FMNL2: variants seen among roughly 807,000 people sequenced by gnomAD.
FMNL2 encodes formin like 2, also known as formin-like protein 2.
Under a neutral mutation model 130.2 loss-of-function variants are expected in FMNL2, and 51 were observed. That is an observed-to-expected ratio of 0.39 (90% CI 0.31 to 0.49). The LOEUF (loss-of-function observed/expected upper bound fraction) is 0.49. Ranked by LOEUF, FMNL2 falls within the 20% of genes least tolerant of loss-of-function variation. The pLI is 0.85. For synonymous variants in FMNL2, 465 were observed against 467.1 expected, an observed-to-expected ratio of 1.00 and a Z score of 0.06; for missense variants, 977 against 1,316.2, an observed-to-expected ratio of 0.74 and a Z score of 3.99.
chr2:152,396,014 TG>T (rs1314675347), intron 1 of FMNL2, among the ~76,000 whole-genome samples: 4 of 152,214 alleles, frequency 2.6e-5, no homozygotes, highest in African/African-American at 9.6e-5. Context: ...CTTGCTTAAG[TG>T]TATTTGTCAC....
At chr2:152,573,435 G>A (rs1377196427) in intron 6 of FMNL2, among the ~76,000 whole-genome samples, 3 of 152,176 alleles carry the variant, frequency 2.0e-5, no homozygotes, top group Non-Finnish European at 4.4e-5. Context: ...AGCAACTCGT[G>A]GAAAGTGACT....
At chr2:152,398,857 A>G (rs973368495) in intron 1 of FMNL2, among the ~76,000 whole-genome samples, 3 of 152,276 alleles carry the variant, frequency 2.0e-5, no homozygotes, top group Non-Finnish European at 4.4e-5. Context: ...AAGGGTGAAC[A>G]TGACCAGATG....
At chr2:152,385,378 C>G (rs186429079) in intron 1 of FMNL2, among the ~76,000 whole-genome samples, 1 of 150,844 alleles carries the variant, frequency 6.6e-6, no homozygotes, top group Admixed American at 6.9e-5. Flanking sequence ...GGCTCAGAGG[C>G]CTTTTACGTC....
At chr2:152,467,277 G>A (rs1377713477) in intron 1 of FMNL2, among the ~76,000 whole-genome samples, 2 of 152,124 alleles carry the variant, frequency 1.3e-5, no homozygotes, top group Non-Finnish European at 2.9e-5. Context: ...TCTACGTGCT[G>A]AACCTGTTCA....
chr2:152,589,588 A>T (rs1697270233), intron 9 of FMNL2, among the ~76,000 whole-genome samples: 1 of 152,126 alleles, frequency 6.6e-6, no homozygotes, highest in Non-Finnish European at 1.5e-5. Flanking sequence ...TATTTCTTTG[A>T]CGTTTTGATA....
At chr2:152,441,694 G>A (rs1333682141) in intron 1 of FMNL2, among the ~76,000 whole-genome samples, 1 of 151,696 alleles carries the variant, frequency 6.6e-6, no homozygotes, top group Non-Finnish European at 1.5e-5. Context: ...AAATTAGTTG[G>A]GCATGGTGGC....
chr2:152,544,856 A>G (rs898926340), intron 3 of FMNL2, among the ~76,000 whole-genome samples: 1 of 152,216 alleles, frequency 6.6e-6, no homozygotes, highest in Non-Finnish European at 1.5e-5. Context: ...TTTCCTTTAG[A>G]TCAGCTGTTT....
chr2:152,367,016 A>G (rs139986717), intron 1 of FMNL2, among the ~76,000 whole-genome samples: 1,683 of 151,546 alleles, frequency 0.011, 34 homozygotes, highest in African/African-American at 0.039. Context: ...GCTCTGAGCA[A>G]TGGTTTTATT....
intron 1 of FMNL2, among the ~76,000 whole-genome samples, chr2:152,498,748 T>A (rs1421385948): frequency 6.6e-6 from 1 of 152,196 alleles, no homozygotes; most frequent in African/African-American, 2.4e-5. Context: ...ACCCTTTTTC[T>A]TTAAAACCTT....
intron 10 of FMNL2, among the ~76,000 whole-genome samples, chr2:152,608,868 G>A (rs1698531827): frequency 6.6e-6 from 1 of 151,334 alleles, no homozygotes; most frequent in African/African-American, 2.4e-5. Context: ...TAAACAATTT[G>A]GACATGATGC....
Position 152,636,468 on chromosome 2 carries a change from A to T in FMNL2, c.2722A>T (p.Arg908Trp), listed in dbSNP as rs1432425235. Residue 908 changes from arginine to tryptophan, a missense_variant, in exon 22 of 26, where the codon AGG becomes TGG. Physicochemically the swap from Arg to Trp is moderately radical, Grantham distance 101. This residue lies in a region of FMNL2 where 689 missense variants were observed against 995.9 expected (regional missense o/e 0.69). Coordinates refer to ENST00000288670, the MANE Select transcript of FMNL2 (RefSeq NM_052905.4). ...NVLLDVKELQ[R>W]GMDLTKREYT... Reference sequence around the variant, plus strand: ...TTTGCTGGATGTCAAGGAGCTCCAGAGGGGAATGGACTTGACCAAGAGAGA... The same window carrying T: ...TTTGCTGGATGTCAAGGAGCTCCAGTGGGGAATGGACTTGACCAAGAGAGA... The T allele has an allele frequency of 6.2e-7, 1 of 1,612,286 alleles. No homozygotes were observed. The highest frequency in any genetic ancestry group is 1.1e-5 in the South Asian group (1 of 90,584).
intron 2 of FMNL2, among the ~76,000 whole-genome samples, chr2:152,540,438 GAA>G (rs1694246967): frequency 6.6e-6 from 1 of 152,074 alleles, no homozygotes; most frequent in African/African-American, 2.4e-5. Context: ...GGAATAATTA[GAA>G]AAAGTGTGCT....
chr2:152,636,171 C>T (rs941058584), intron 21 of FMNL2, among the ~76,000 whole-genome samples: 1 of 152,234 alleles, frequency 6.6e-6, no homozygotes, highest in African/African-American at 2.4e-5. Context: ...GGGCAGGCCA[C>T]AGAACCTCTT....
At position 152,551,941 on chromosome 2, in the gene FMNL2, C is replaced by T. The variant is rs543594135; in HGVS notation, c.359+2844C>T. On this transcript the variant is annotated intron_variant, in intron 4 of 25. Transcript: ENST00000288670. ...GAAGGATCAATTGAGCCCATGAGTT[C>T]GAGGCTGCAGTGAGCAGCCATTGCA... Among the ~76,000 whole-genome samples the T allele has an allele frequency of 3.9e-5, 6 of 152,268 alleles. No individual in the cohort carries two copies. In the East Asian group the frequency reaches 7.7e-4, roughly 20 times the overall value.
At chr2:152,488,101 AATT>A (rs1255879581) in intron 1 of FMNL2, among the ~76,000 whole-genome samples, 1 of 152,196 alleles carries the variant, frequency 6.6e-6, no homozygotes, top group Non-Finnish European at 1.5e-5. Context: ...TTCCTTTAGA[AATT>A]ATTTTCTGTG....
At chr2:152,647,747 C>CAT in intron 25 of FMNL2, 49 bp from the exon 26 acceptor site, 1 of 1,570,884 alleles carries the variant, frequency 6.4e-7, no homozygotes, top group South Asian at 1.1e-5. Context: ...TGCTTAGACA[C>CAT]ATGCTATTAA....
At chr2:152,588,152 C>G (rs540207200) in intron 9 of FMNL2, among the ~76,000 whole-genome samples, 1 of 152,144 alleles carries the variant, frequency 6.6e-6, no homozygotes, top group Non-Finnish European at 1.5e-5. Flanking sequence ...TTCTGTAGAC[C>G]AGAAGAATAA....
chr2:152,645,422 T>C, intron 25 of FMNL2: 1 of 1,280,260 alleles, frequency 7.8e-7, no homozygotes, highest in Non-Finnish European at 1.0e-6. Context: ...GTTTTTGTTT[T>C]TTTCTGTTTA....
rs55989531 is a variant in FMNL2, at chr2:152,495,653, C to CAAA, written c.118-26278_118-26276dup. 2.9e-4 allele frequency among the ~76,000 whole-genome samples: 14 copies of CAAA among 48,564 alleles called. 2 individuals are homozygous for CAAA. Among genetic ancestry groups the CAAA allele is most frequent in the Middle Eastern group, 0.05 (2 of 40 alleles). The allele number at this position is 48,564 out of a possible 152,430, so 31.9% of individuals were successfully genotyped here. A position where few individuals can be genotyped will look rare whatever the true frequency, so the allele number is the denominator to read the frequency against. On this transcript the variant is annotated intron_variant, in intron 1 of 25. Coordinates refer to ENST00000288670, the MANE Select transcript of FMNL2 (RefSeq NM_052905.4). The stretch of plus-strand genomic sequence containing the variant: ...GTGACAGAGTGAGACTCCGTCTCAC[C>CAAA]AAAAAAAAAAAAAAGATTTTTTTCA...
Sources: gnomAD v4.1 joint callset for allele counts (sites outside exome capture counted in the v4.1 genomes callset) on GRCh38, gnomAD v4.1.1 for gene constraint, gnomAD v4.1.1 regional missense constraint, MANE v1.5 for transcripts, NCBI Gene and HGNC (gene_info 2026-07-23, HGNC 2026-07-21) for gene names.